Variants in ALK observed in about 807,000 individuals in gnomAD.
ALK encodes the protein ALK receptor tyrosine kinase, also known as ALK tyrosine kinase receptor.
Under a neutral mutation model 163.1 loss-of-function variants are expected in ALK, and 74 were observed. The ratio of observed to expected loss-of-function variants is 0.45; its 90% confidence interval spans 0.38 to 0.55. The LOEUF is 0.55. Ranked by LOEUF, ALK falls within the 20% of genes least tolerant of loss-of-function variation. The pLI, the probability that ALK is intolerant of heterozygous loss-of-function variation, is 0.00. For synonymous variants in ALK, 960 were observed against 843.2 expected (o/e 1.14, Z -2.40); for missense variants, 2,063 against 2,105.3 (o/e 0.98, Z 0.39).
At chr2:29,586,046 C>T (rs1674877802) in intron 3 of ALK, among the ~76,000 whole-genome samples, 1 of 152,124 alleles carries the variant, frequency 6.6e-6, no homozygotes, top group Non-Finnish European at 1.5e-5. Context: ...TTCATCACAA[C>T]CTCATTGGCA....
At chr2:29,704,006 T>C (rs1678823529) in intron 2 of ALK, among the ~76,000 whole-genome samples, 2 of 152,214 alleles carry the variant, frequency 1.3e-5, no homozygotes, top group Admixed American at 1.3e-4. Context: ...TCATGCATCC[T>C]CAGGCTTCAC....
At chr2:29,358,034 T>C (rs146354238) in intron 5 of ALK, among the ~76,000 whole-genome samples, 59 of 152,324 alleles carry the variant, frequency 3.9e-4, no homozygotes, top group African/African-American at 1.3e-3. Flanking sequence ...GCAAAAGACT[T>C]GACCAAGTTT....
chr2:29,300,147 G>C (rs1050942018), intron 8 of ALK, among the ~76,000 whole-genome samples: 4 of 152,190 alleles, frequency 2.6e-5, no homozygotes, highest in Non-Finnish European at 5.9e-5. Context: ...CAGGGTCACT[G>C]TAGATCTTGC....
chr2:29,229,747 G>T (rs1664138747), intron 15 of ALK, among the ~76,000 whole-genome samples: 1 of 152,178 alleles, frequency 6.6e-6, no homozygotes, highest in Non-Finnish European at 1.5e-5. Flanking sequence ...AGCGTCAGGG[G>T]CTCGAGAGGC....
intron 1 of ALK, among the ~76,000 whole-genome samples, chr2:29,842,349 C>T (rs1003893823): frequency 2.0e-5 from 3 of 152,156 alleles, no homozygotes; most frequent in African/African-American, 7.2e-5. Flanking sequence ...AGAAAAGCCC[C>T]ACCGTCACAC....
At chr2:29,880,565 G>C (rs1054505447) in intron 1 of ALK, among the ~76,000 whole-genome samples, 7 of 152,174 alleles carry the variant, frequency 4.6e-5, no homozygotes, top group African/African-American at 1.7e-4. Context: ...TAAGTCCCCA[G>C]GGATCTATGG....
intron 4 of ALK, among the ~76,000 whole-genome samples, chr2:29,416,491 G>A (rs1199036686): frequency 6.6e-6 from 1 of 152,194 alleles, no homozygotes; most frequent in African/African-American, 2.4e-5. Flanking sequence ...TTCTGAGGTT[G>A]TCAAAGGCAA....
intron 4 of ALK, among the ~76,000 whole-genome samples, chr2:29,453,240 C>A (rs1288048059): frequency 5.3e-5 from 8 of 152,034 alleles, no homozygotes; most frequent in African/African-American, 1.9e-4. Flanking sequence ...CAAAACAATT[C>A]TTTTTTTCTG....
intron 1 of ALK, among the ~76,000 whole-genome samples, chr2:29,882,228 C>T (rs901234693): frequency 3.3e-5 from 5 of 152,118 alleles, no homozygotes; most frequent in African/African-American, 1.2e-4. Context: ...GACTGTCAGA[C>T]CGGAAAGTTT....
intron 1 of ALK, among the ~76,000 whole-genome samples, chr2:29,730,158 A>C (rs1160986086): frequency 6.6e-6 from 1 of 152,184 alleles, no homozygotes; most frequent in East Asian, 1.9e-4. Context: ...AGCTCCGAGA[A>C]AGCAAAGGCT....
At chr2:29,682,135 G>A (rs1451899466) in intron 3 of ALK, among the ~76,000 whole-genome samples, 3 of 152,272 alleles carry the variant, frequency 2.0e-5, no homozygotes, top group Non-Finnish European at 1.5e-5. Context: ...AGTTGTTGAT[G>A]GGAAGAATAC....
chr2:29,498,501 T>A (rs1672088285), intron 4 of ALK, among the ~76,000 whole-genome samples: 1 of 152,176 alleles, frequency 6.6e-6, no homozygotes, highest in South Asian at 2.1e-4. Flanking sequence ...GGAGCCACCA[T>A]CAGTGCCATG....
intron 2 of ALK, among the ~76,000 whole-genome samples, chr2:29,705,703 C>G (rs1678890215): frequency 6.6e-6 from 1 of 152,064 alleles, no homozygotes; most frequent in Admixed American, 6.5e-5. Context: ...TCAATTTTTT[C>G]AACTGAAAAA....
At chr2:29,852,001 AG>A (rs1666007919) in intron 1 of ALK, among the ~76,000 whole-genome samples, 1 of 152,228 alleles carries the variant, frequency 6.6e-6, no homozygotes, top group Non-Finnish European at 1.5e-5. Flanking sequence ...GCCAAAGAAA[AG>A]TTTCTTCATA....
intron 4 of ALK, among the ~76,000 whole-genome samples, chr2:29,409,462 C>T (rs1246664882): frequency 6.6e-6 from 1 of 152,182 alleles, no homozygotes; most frequent in African/African-American, 2.4e-5. Context: ...CCACTCGGAA[C>T]CATTTCTGCC....
chr2:29,454,781 C>T (rs575885642), intron 4 of ALK, among the ~76,000 whole-genome samples: 1 of 152,216 alleles, frequency 6.6e-6, no homozygotes, highest in South Asian at 2.1e-4. Flanking sequence ...ATAAACCCAT[C>T]ACCTAGTACA....
chr2:29,881,643 G>A (rs201643033), intron 1 of ALK, among the ~76,000 whole-genome samples: 1 of 152,212 alleles, frequency 6.6e-6, no homozygotes, highest in East Asian at 1.9e-4. Context: ...AACTGGGAGA[G>A]GAAAGGAAAT....
chr2:29,470,684 AAT>A (rs1491581509), intron 4 of ALK, among the ~76,000 whole-genome samples: 3 of 53,706 alleles, frequency 5.6e-5, no homozygotes, highest in South Asian at 7.0e-4. Context: ...AAAACAGCTG[AAT>A]TTTTTTTTTT....
chr2:29,721,713 A>T (rs1334659713), intron 1 of ALK, among the ~76,000 whole-genome samples: 1 of 152,168 alleles, frequency 6.6e-6, no homozygotes, highest in Non-Finnish European at 1.5e-5. Flanking sequence ...TTCTCAAGGG[A>T]TCTGCTGTTA....
Sources: allele counts gnomAD v4.1 joint callset (sites outside exome capture counted in the v4.1 genomes callset), GRCh38; gene constraint gnomAD v4.1.1; transcripts MANE v1.5; gene names NCBI Gene and HGNC (gene_info 2026-07-23, HGNC 2026-07-21).